Variants in CFAP20DC observed in about 807,000 individuals in gnomAD.
CFAP20DC encodes CFAP20 domain containing, also known as protein CFAP20DC.
A neutral mutation model predicts 101.7 loss-of-function variants in CFAP20DC; 84 were observed. That is an observed-to-expected ratio of 0.83 (90% CI 0.69 to 0.99). The LOEUF (loss-of-function observed/expected upper bound fraction) is 0.99, where lower values mean the gene tolerates loss of function less well. Among genes scored for constraint, CFAP20DC ranks in the 50% least tolerant of loss-of-function variants. The pLI, the probability that CFAP20DC is intolerant of heterozygous loss-of-function variation, is 0.00. For synonymous variants in CFAP20DC, 359 were observed against 351.2 expected (o/e 1.02, Z -0.25); for missense variants, 1,007 against 970.3 (o/e 1.04, Z -0.50).
At chr3:58,787,368 T>C (rs888044791) in intron 15 of CFAP20DC, among the ~76,000 whole-genome samples, 3 of 145,700 alleles carry the variant, frequency 2.1e-5, no homozygotes, top group Middle Eastern at 3.5e-3. Context: ...AGGGATAGCA[T>C]TGGGAGATAT....
intron 13 of CFAP20DC, among the ~76,000 whole-genome samples, chr3:58,837,030 A>G (rs2076785728): frequency 6.6e-6 from 1 of 152,160 alleles, no homozygotes. Flanking sequence ...AGCATGGGGC[A>G]ACCTGGAAGT....
chr3:58,887,140 CTA>C (rs1341135675), intron 6 of CFAP20DC, among the ~76,000 whole-genome samples: 1 of 152,180 alleles, frequency 6.6e-6, no homozygotes, highest in Non-Finnish European at 1.5e-5. Context: ...TCCTAATGCT[CTA>C]GTCATTAAAA....
At chr3:58,958,280 A>AT (rs1305109120) in intron 4 of CFAP20DC, among the ~76,000 whole-genome samples, 1 of 152,206 alleles carries the variant, frequency 6.6e-6, no homozygotes, top group Non-Finnish European at 1.5e-5. Flanking sequence ...AACGTAAAAA[A>AT]ATATATAAAA....
At chr3:58,756,383 A>T (rs2068958999) in intron 15 of CFAP20DC, among the ~76,000 whole-genome samples, 1 of 152,070 alleles carries the variant, frequency 6.6e-6, no homozygotes, top group Non-Finnish European at 1.5e-5. Context: ...TTGCTTACAG[A>T]TATTTTTCTT....
intron 4 of CFAP20DC, among the ~76,000 whole-genome samples, chr3:59,024,114 C>A (rs114554039): frequency 6.6e-6 from 1 of 152,032 alleles, no homozygotes; most frequent in Admixed American, 6.6e-5. Flanking sequence ...TACTACCTTG[C>A]CAATTTTAGG....
Position 58,897,524 on chromosome 3 carries a change from T to C in CFAP20DC, c.551-12815A>G, listed in dbSNP as rs2082766489. Among the ~76,000 whole-genome samples, 1 of 152,254 alleles carries C rather than the reference T, an allele frequency of 6.6e-6. No individual in the cohort carries two copies. On this transcript the variant is annotated intron_variant, in intron 6 of 16. Transcript: ENST00000482387. The surrounding 1 kb of genome is among the most constrained non-coding windows in gnomAD (Gnocchi z 4.4). ...TTTTGTAGTGGCTGGTAATGGTATT[T>C]CCTTTCCATATTTAGTGCTTCCTTC...
intron 14 of CFAP20DC, among the ~76,000 whole-genome samples, chr3:58,814,339 T>C (rs1039148923): frequency 2.6e-5 from 4 of 151,728 alleles, no homozygotes; most frequent in Non-Finnish European, 5.9e-5. Context: ...ATAAATTAGG[T>C]ATTGATGGGA....
chr3:58,776,739 A>C (rs1161238540), intron 15 of CFAP20DC, among the ~76,000 whole-genome samples: 2 of 151,404 alleles, frequency 1.3e-5, no homozygotes, highest in African/African-American at 2.4e-5. Flanking sequence ...GGTTCATTCC[A>C]ACTAAGAACT....
At chr3:58,987,202 T>C (rs1278166461) in intron 4 of CFAP20DC, among the ~76,000 whole-genome samples, 2 of 152,112 alleles carry the variant, frequency 1.3e-5, no homozygotes, top group Admixed American at 6.6e-5. Flanking sequence ...AGGTAAGATG[T>C]TTGTGTTATA....
intron 4 of CFAP20DC, among the ~76,000 whole-genome samples, chr3:58,943,481 CCTGA>C (rs2088914370): frequency 6.6e-6 from 1 of 152,114 alleles, no homozygotes; most frequent in African/African-American, 2.4e-5. Context: ...AGCAGAGAGG[CCTGA>C]CTGTTAGCAA....
intron 15 of CFAP20DC, among the ~76,000 whole-genome samples, chr3:58,756,917 T>C (rs1010839755): frequency 2.0e-5 from 3 of 152,136 alleles, no homozygotes; most frequent in African/African-American, 7.2e-5. Context: ...TACAGCAGCA[T>C]AATACGTTAC....
At position 58,849,146 on chromosome 3, in the gene CFAP20DC, T is replaced by C; in HGVS notation, c.1857A>G (p.Pro619=). 1 of 1,536,052 alleles carries C rather than the reference T, an allele frequency of 6.5e-7. No homozygotes were observed. Among genetic ancestry groups the C allele is most frequent in the South Asian group, 1.2e-5 (1 of 84,042 alleles). ...GRRCGSCQKT[P]EPVIKAKDLS... ...GATCCTTCGCTTTGATTACGGGCTC[T>C]GGAGTTTTCTGACAGGACCCACACC... The change falls in exon 13 of 17, where the codon CCA becomes CCG. Residue 619 remains proline (P), a synonymous_variant. Transcript: ENST00000482387.
rs529907018 is a variant in CFAP20DC, at chr3:59,049,638, A to C, written c.-7T>G. 247 of 1,536,060 alleles carry C rather than the reference A, an allele frequency of 1.6e-4. 5 individuals carry two copies. The South Asian group carries it at 2.8e-3, about 17-fold the overall frequency. On this transcript the variant is annotated 5_prime_UTR_variant, in exon 1 of 17. Coordinates refer to ENST00000482387, the MANE Select transcript of CFAP20DC (RefSeq NM_001394063.1). The stretch of plus-strand genomic sequence containing the variant: ...GGTACTCATTTTTGAACATTCCCGC[A>C]GGGGGCCCAGGGCTTGGGGGGCACA...
intron 3 of CFAP20DC, among the ~76,000 whole-genome samples, chr3:59,040,387 C>G (rs1343310725): frequency 1.3e-5 from 2 of 151,982 alleles, no homozygotes. Context: ...CACTTAATGC[C>G]TTTCCTCTTA....
At chr3:58,865,035 T>A (rs2079562859) in intron 11 of CFAP20DC, among the ~76,000 whole-genome samples, 1 of 152,050 alleles carries the variant, frequency 6.6e-6, no homozygotes, top group African/African-American at 2.4e-5. Context: ...GAAAGCATGC[T>A]TTCTTCTTTA....
In CFAP20DC at chr3:58,856,833, G is replaced by C. The variant is rs74539368; in HGVS notation, c.1593+6725C>G. Among the ~76,000 whole-genome samples the C allele has an allele frequency of 8.7e-3, 1,324 of 152,234 alleles. 21 individuals are homozygous for C. Among genetic ancestry groups the C allele is most frequent in the African/African-American group, 0.03 (1,247 of 41,554 alleles). On this transcript the variant is annotated intron_variant, in intron 12 of 16. Coordinates refer to ENST00000482387, the MANE Select transcript of CFAP20DC (RefSeq NM_001394063.1). Reference sequence around the variant, plus strand: ...TTTAATTTAGTCTGGTAGCGAGACAGGGCTATCTTTTCTCTAATTTTTTAA... The same window carrying C: ...TTTAATTTAGTCTGGTAGCGAGACACGGCTATCTTTTCTCTAATTTTTTAA...
intron 14 of CFAP20DC, among the ~76,000 whole-genome samples, chr3:58,814,300 C>A (rs1481368588): frequency 5.9e-5 from 9 of 151,794 alleles, no homozygotes; most frequent in Admixed American, 5.9e-4. Flanking sequence ...GTGACTCAGC[C>A]CCTCCTTGCT....
intron 15 of CFAP20DC, among the ~76,000 whole-genome samples, chr3:58,793,296 C>T (rs2072998989): frequency 6.6e-6 from 1 of 152,098 alleles, no homozygotes. Flanking sequence ...TTTCCTAATA[C>T]ATAATATCTT....
intron 5 of CFAP20DC, among the ~76,000 whole-genome samples, chr3:58,916,736 A>G (rs1325148437): frequency 6.6e-6 from 1 of 152,186 alleles, no homozygotes; most frequent in East Asian, 1.9e-4. Flanking sequence ...CCCCTTGGCT[A>G]GAGGAAACAG....
Sources: allele counts gnomAD v4.1 joint callset (sites outside exome capture counted in the v4.1 genomes callset), GRCh38; gene constraint gnomAD v4.1.1; non-coding constraint Gnocchi (gnomAD v3.1); transcripts MANE v1.5; gene names NCBI Gene and HGNC (gene_info 2026-07-23, HGNC 2026-07-21).